The following CEACAM5 variants were observed in gnomAD, a reference collection of about 807,000 sequenced individuals.
CEACAM5 encodes CEA cell adhesion molecule 5.
In CEACAM5, 52 loss-of-function variants were observed where a neutral mutation model predicts 63.0. The observed-to-expected ratio is 0.83, with a 90% confidence interval of 0.66 to 1.04. The LOEUF (loss-of-function observed/expected upper bound fraction) is 1.04, where lower values mean the gene tolerates loss of function less well. Among genes scored for constraint, CEACAM5 ranks in the 50% least tolerant of loss-of-function variants. The pLI is 0.00. For synonymous variants in CEACAM5, 357 were observed against 351.3 expected (o/e 1.02, Z -0.18); for missense variants, 790 against 864.8 (o/e 0.91, Z 1.08).
chr19:41,728,307 A>G (rs976126087), intron 9 of CEACAM5, among the ~76,000 whole-genome samples: 2 of 152,200 alleles, frequency 1.3e-5, no homozygotes, highest in Non-Finnish European at 2.9e-5. Flanking sequence ...ACTCAGAAAC[A>G]TTTTATAAAA....
chr19:41,709,602 G>A (rs2072400003), intron 1 of CEACAM5, 78 bp from the exon 2 acceptor site: 1 of 1,548,822 alleles, frequency 6.5e-7, no homozygotes, highest in Admixed American at 1.9e-5. Flanking sequence ...GAAGAGACCT[G>A]CTCAGGACCC....
rs2072552337 is a variant in CEACAM5 at position 41,717,831 on chromosome 19, AC to A, written c.1237+99del. 8 of 1,456,986 alleles carry A rather than the reference AC, an allele frequency of 5.5e-6. No individual in the cohort carries two copies. The South Asian group carries it at 1.0e-4, about 19-fold the overall frequency. The allele number at this position is 1,456,986 out of a possible 1,614,324, so 90.3% of individuals were successfully genotyped here. On this transcript the variant is annotated intron_variant, in intron 5 of 9. Coordinates refer to ENST00000221992, the MANE Select transcript of CEACAM5 (RefSeq NM_004363.6). ...GTCCCTCTCAGGCCCAAGGACAGAG[AC>A]TTTTACCCCTGGACATCCAGGCTGG...
chr19:41,721,000 C>G lies in CEACAM5; in HGVS notation c.1850C>G (p.Ser617Trp). 6.2e-7 allele frequency: 1 copy of G among 1,614,158 alleles called. No homozygotes were observed. ...SGANLNLSCH[S>W]ASNPSPQYSW... is the part of the protein sequence containing the mutation. ...GCGAACCTCAACCTCTCCTGCCACT[C>G]GGCCTCTAACCCATCCCCGCAGTAT... The change falls in exon 8 of 10, where the codon TCG (serine) becomes TGG (tryptophan). Residue 617 changes from serine (S) to tryptophan (W), a missense_variant. Ser to Trp is a radical substitution (Grantham distance 177). Transcript: ENST00000221992.
chr19:41,721,123 C>A lies in CEACAM5; in HGVS notation c.1973C>A (p.Ser658Tyr). 4 of 1,614,236 alleles carry A rather than the reference C, an allele frequency of 2.5e-6. No homozygotes were observed. The highest frequency in any genetic ancestry group is 3.4e-6 in the Non-Finnish European group (4 of 1,180,042). ...AACGGGACCTATGCCTGTTTTGTCT[C>A]TAACTTGGCTACTGGCCGCAATAAT... ...NNNGTYACFV[S>Y]NLATGRNNSI... Residue 658 changes from serine (S) to tyrosine (Y), a missense_variant, in exon 8 of 10, where the codon TCT (serine) becomes TAT (tyrosine). Coordinates refer to ENST00000221992, the MANE Select transcript of CEACAM5 (RefSeq NM_004363.6).
rs1555813576 is a variant in CEACAM5, at chr19:41,709,690, A to T, written c.75A>T (p.Leu25=). Residue 25 remains leucine (L), a synonymous_variant, in exon 2 of 10, where the codon CTA becomes CTT. Coordinates refer to ENST00000221992, the MANE Select transcript of CEACAM5 (RefSeq NM_004363.6). Reference sequence around the variant, plus strand: ...TCTGCTCTCTCCTAGCCTCACTTCTAACCTTCTGGAACCCGCCCACCACTG... The same window carrying T: ...TCTGCTCTCTCCTAGCCTCACTTCTTACCTTCTGGAACCCGCCCACCACTG... ...WQRLLLTASL[L]TFWNPPTTAK... The T allele has an allele frequency of 6.2e-7, 1 of 1,613,578 alleles. No homozygotes were observed. Among genetic ancestry groups the T allele is most frequent in the Non-Finnish European group, 8.5e-7 (1 of 1,179,722 alleles).
intron 7 of CEACAM5, 82 bp from the exon 8 acceptor site, chr19:41,720,840 G>A (rs1157868567): frequency 2.0e-6 from 3 of 1,531,478 alleles, no homozygotes; most frequent in African/African-American, 2.7e-5. Flanking sequence ...AGGATTCAGA[G>A]GGACACTGTG....
At chr19:41,716,442 G>A (rs1227271467) in intron 4 of CEACAM5, among the ~76,000 whole-genome samples, 2 of 152,242 alleles carry the variant, frequency 1.3e-5, no homozygotes, top group Non-Finnish European at 2.9e-5. Flanking sequence ...CGAGGTGTGT[G>A]GAGAAGGAGC....
rs1001515290 is a variant in CEACAM5, at chr19:41,721,802, G to T, written c.2026+626G>T. 3.3e-5 allele frequency among the ~76,000 whole-genome samples: 5 copies of T among 152,354 alleles called. No individual in the cohort carries two copies. The East Asian group carries it at 9.6e-4, about 29-fold the overall frequency. The stretch of plus-strand genomic sequence containing the variant: ...AGCAGAGCCTCCCTTGGGTCAGGTT[G>T]CAGGGAAATGGGAAAAGAGGGAGCC... On this transcript the variant is annotated intron_variant, in intron 8 of 9. Coordinates refer to ENST00000221992, the MANE Select transcript of CEACAM5 (RefSeq NM_004363.6).
chr19:41,709,978 C>T lies in CEACAM5; in HGVS notation c.363C>T (p.Thr121=), dbSNP rs1555813769. 3 of 1,613,288 alleles carry T rather than the reference C, an allele frequency of 1.9e-6. No homozygotes were observed. The highest frequency in any genetic ancestry group is 2.5e-6 in the Non-Finnish European group (3 of 1,179,560). The part of the protein sequence containing the change: ...NIIQNDTGFY[T]LHVIKSDLVN... The stretch of plus-strand genomic sequence containing the variant: ...TCCAGAATGACACAGGATTCTACAC[C>T]CTACACGTCATAAAGTCAGATCTTG... Residue 121 remains threonine (T), a synonymous_variant, in exon 2 of 10, where the codon ACC becomes ACT. Coordinates refer to ENST00000221992, the MANE Select transcript of CEACAM5 (RefSeq NM_004363.6).
intron 9 of CEACAM5, 50 bp downstream of exon 9, chr19:41,727,402 C>G: frequency 1.1e-6 from 1 of 929,822 alleles, no homozygotes; most frequent in Non-Finnish European, 1.7e-6. Flanking sequence ...GTGCTGACTG[C>G]CATGCTTGGG....
At chr19:41,710,735 G>A (rs1384124111) in intron 2 of CEACAM5, among the ~76,000 whole-genome samples, 1 of 152,250 alleles carries the variant, frequency 6.6e-6, no homozygotes, top group African/African-American at 2.4e-5. Flanking sequence ...AAGAGGAACA[G>A]AGGAGAGAAG....
intron 4 of CEACAM5, 27 bp downstream of exon 4, chr19:41,715,931 T>A: frequency 1.2e-6 from 2 of 1,605,010 alleles, no homozygotes; most frequent in Non-Finnish European, 1.7e-6. Flanking sequence ...AGCACTGACA[T>A]CATGTTTTGA....
intron 8 of CEACAM5, among the ~76,000 whole-genome samples, chr19:41,722,533 T>C (rs1412726470): frequency 1.3e-5 from 2 of 152,196 alleles, no homozygotes; most frequent in Non-Finnish European, 2.9e-5. Flanking sequence ...TCCATTCTAC[T>C]TTCTGTCTCT....
Position 41,712,060 on chromosome 19 carries a change from G to C in CEACAM5, c.424+2021G>C, listed in dbSNP as rs1218408386. 4.6e-5 allele frequency among the ~76,000 whole-genome samples: 7 copies of C among 152,260 alleles called. No homozygotes were observed. In the East Asian group the frequency reaches 1.4e-3, roughly 29 times the overall value. On this transcript the variant is annotated intron_variant, in intron 2 of 9. Coordinates refer to ENST00000221992, the MANE Select transcript of CEACAM5 (RefSeq NM_004363.6). ...ACACACGGAACAGGCAGCAGGACGG[G>C]AATGAGCGACTCCTCCATCCACTCC...
chr19:41,726,216 A>G (rs2072697749), intron 8 of CEACAM5, among the ~76,000 whole-genome samples: 1 of 152,230 alleles, frequency 6.6e-6, no homozygotes, highest in Non-Finnish European at 1.5e-5. Context: ...CTAGAGCCAA[A>G]TCCTAGATCC....
At chr19:41,728,075 G>C (rs922557132) in intron 9 of CEACAM5, among the ~76,000 whole-genome samples, 6 of 152,190 alleles carry the variant, frequency 3.9e-5, no homozygotes, top group Non-Finnish European at 7.3e-5. Flanking sequence ...GCATTAACCT[G>C]TGAGTCTTAA....
chr19:41,709,892 C>A lies in CEACAM5; in HGVS notation c.277C>A (p.Pro93Thr). ...AGGAACTCAACAAGCTACCCCAGGGCCCGCATACAGTGGTCGAGAGATAAT... is the reference window on the plus strand; with the variant it reads ...AGGAACTCAACAAGCTACCCCAGGGACCGCATACAGTGGTCGAGAGATAAT... ...VIGTQQATPG[P>T]AYSGREIIYP... Residue 93 changes from proline to threonine, a missense_variant, in exon 2 of 10, where the codon CCC becomes ACC. Physicochemically the swap from Pro to Thr is conservative, Grantham distance 38 (BLOSUM62 -1). Coordinates refer to ENST00000221992, the MANE Select transcript of CEACAM5 (RefSeq NM_004363.6). 6.2e-7 allele frequency: 1 copy of A among 1,614,134 alleles called. No individual in the cohort carries two copies. Among genetic ancestry groups the A allele is most frequent in the Non-Finnish European group, 8.5e-7 (1 of 1,180,024 alleles).
intron 2 of CEACAM5, among the ~76,000 whole-genome samples, chr19:41,713,185 G>A (rs2122780189): frequency 6.6e-6 from 1 of 152,246 alleles, no homozygotes; most frequent in East Asian, 1.9e-4. Flanking sequence ...TGCACCTACA[G>A]TCTCAGCTAC....
At chr19:41,714,887 G>A (rs577833235) in intron 2 of CEACAM5, 84 bp from the exon 3 acceptor site, 1 of 1,592,024 alleles carries the variant, frequency 6.3e-7, no homozygotes, top group Admixed American at 1.7e-5. Context: ...GCTGAGAGGT[G>A]GAAGGTGCCA....
Sources: gnomAD v4.1 joint callset for allele counts (sites outside exome capture counted in the v4.1 genomes callset) on GRCh38, gnomAD v4.1.1 for gene constraint, MANE v1.5 for transcripts, NCBI Gene and HGNC (gene_info 2026-07-23, HGNC 2026-07-21) for gene names.